The following RTTN variants were observed in gnomAD, a reference collection of about 807,000 sequenced individuals.
The protein encoded by RTTN is rotatin.
Under a neutral mutation model 269.2 loss-of-function variants are expected in RTTN, and 182 were observed. The ratio of observed to expected loss-of-function variants is 0.68; its 90% confidence interval spans 0.60 to 0.76. The LOEUF (loss-of-function observed/expected upper bound fraction) is 0.76, where lower values mean the gene tolerates loss of function less well. RTTN is among the 30% of genes least tolerant of loss of function. The pLI, the probability that RTTN is intolerant of heterozygous loss-of-function variation, is 0.00. For missense variants in RTTN, 2,545 were observed against 2,608.6 expected (o/e 0.98, Z 0.53); for synonymous variants, 1,006 against 963.5 (o/e 1.04, Z -0.82).
At chr18:70,082,644 A>G (rs2058600303) in intron 32 of RTTN, among the ~76,000 whole-genome samples, 1 of 152,164 alleles carries the variant, frequency 6.6e-6, no homozygotes, top group Admixed American at 6.5e-5. Flanking sequence ...GTTTCGTGTC[A>G]ACTGAATATT....
chr18:70,197,885 C>A, intron 5 of RTTN, 147 bp from the exon 6 acceptor site: 2 of 606,490 alleles, frequency 3.3e-6, no homozygotes. Flanking sequence ...GATCTTTTCC[C>A]TAACCAATAA....
chr18:70,102,201 T>G (rs1330329098), intron 28 of RTTN, among the ~76,000 whole-genome samples: 1 of 152,192 alleles, frequency 6.6e-6, no homozygotes, highest in Non-Finnish European at 1.5e-5. Context: ...ATTATTATTG[T>G]GTGGAGTCCA....
In RTTN at chr18:70,092,275, T is replaced by C. The variant is rs929590539; in HGVS notation, c.4033-55A>G. ...TTGAGGTAAGTTTCTAAAAATAAAATGCAGGAAGGTTAAAACAAGAATTTT... is the reference window on the plus strand; with the variant it reads ...TTGAGGTAAGTTTCTAAAAATAAAACGCAGGAAGGTTAAAACAAGAATTTT... On this transcript the variant is annotated intron_variant, in intron 29 of 48. Coordinates refer to ENST00000640769, the MANE Select transcript of RTTN (RefSeq NM_173630.4). The C allele has an allele frequency of 7.2e-6, 8 of 1,111,890 alleles. No homozygotes were observed. In the African/African-American group the frequency reaches 1.2e-4, roughly 17 times the overall value. The allele number at this position is 1,111,890 out of a possible 1,614,324, so 68.9% of individuals were successfully genotyped here.
intron 44 of RTTN, among the ~76,000 whole-genome samples, chr18:70,022,263 C>T (rs1274995980): frequency 6.6e-6 from 1 of 151,496 alleles, no homozygotes; most frequent in Non-Finnish European, 1.5e-5. Context: ...ATGAAGAAAG[C>T]AGAAGTATTC....
chr18:70,100,568 C>A (rs1292125821), intron 28 of RTTN, among the ~76,000 whole-genome samples: 5 of 151,896 alleles, frequency 3.3e-5, no homozygotes, highest in South Asian at 2.1e-4. Flanking sequence ...AATACCCTTT[C>A]TTTCTTTCTC....
chr18:70,177,762 AG>A (rs751769519), intron 10 of RTTN, among the ~76,000 whole-genome samples: 88 of 152,220 alleles, frequency 5.8e-4, no homozygotes, highest in Non-Finnish European at 1.1e-3. Flanking sequence ...AACAACTAAA[AG>A]GTATGAGGCC....
chr18:70,133,359 C>T (rs961363413), intron 23 of RTTN, among the ~76,000 whole-genome samples: 9 of 152,110 alleles, frequency 5.9e-5, no homozygotes, highest in South Asian at 2.1e-4. Context: ...ACAACAACTT[C>T]GTAATACTGT....
In RTTN at chr18:70,059,847, T is replaced by C. The variant is rs1329360687; in HGVS notation, c.4940+3A>G. 3 of 1,585,558 alleles carry C rather than the reference T, an allele frequency of 1.9e-6. No individual in the cohort carries two copies. The highest frequency in any genetic ancestry group is 1.8e-5 in the Admixed American group (1 of 56,420). On this transcript the variant is annotated splice_donor_region_variant and intron_variant, in intron 36 of 48. Coordinates refer to ENST00000640769, the MANE Select transcript of RTTN (RefSeq NM_173630.4). ...TGCCTCTCTAGGAGTATTTATCTCT[T>C]ACCTACAGAGAAGTTCTATGAGATG...
intron 14 of RTTN, among the ~76,000 whole-genome samples, chr18:70,162,666 C>T (rs549199713): frequency 6.6e-6 from 1 of 152,130 alleles, no homozygotes; most frequent in East Asian, 1.9e-4. Flanking sequence ...CACTGGGTCC[C>T]TCCCACGACA....
chr18:70,198,865 C>T (rs1039351306), intron 5 of RTTN, among the ~76,000 whole-genome samples: 4 of 152,130 alleles, frequency 2.6e-5, no homozygotes, highest in Non-Finnish European at 5.9e-5. Flanking sequence ...ACTCCTGTCA[C>T]CAAGGACTAC....
chr18:70,012,633 A>G (rs7236168), intron 46 of RTTN, among the ~76,000 whole-genome samples: 118,622 of 144,054 alleles, frequency 0.82, 52,381 homozygotes, highest in East Asian at 0.99. Flanking sequence ...CACTGGTATT[A>G]GTTACAGCAC....
chr18:70,057,870 A>G (rs1410782176), intron 36 of RTTN, 38 bp from the exon 37 acceptor site: 1 of 1,411,810 alleles, frequency 7.1e-7, no homozygotes, highest in African/African-American at 1.4e-5. Flanking sequence ...TCAGAAGATT[A>G]GTATACTTTT....
intron 46 of RTTN, among the ~76,000 whole-genome samples, chr18:70,016,145 T>C (rs894291458): frequency 2.0e-5 from 3 of 152,200 alleles, no homozygotes; most frequent in Non-Finnish European, 4.4e-5. Flanking sequence ...AACATCCTTC[T>C]ATATCATATC....
intron 40 of RTTN, among the ~76,000 whole-genome samples, chr18:70,040,942 G>C (rs1381150722): frequency 1.3e-5 from 2 of 152,212 alleles, no homozygotes; most frequent in African/African-American, 4.8e-5. Flanking sequence ...AATGGGGCCA[G>C]GTGTGGTGGC....
At chr18:70,109,425 T>C (rs1468657348) in intron 28 of RTTN, 73 bp downstream of exon 28, 21 of 1,032,792 alleles carry the variant, frequency 2.0e-5, no homozygotes, top group Non-Finnish European at 3.2e-5. Context: ...GAGTAACGTA[T>C]AATGCACTTG....
At chr18:70,131,564 G>C (rs908123577) in intron 23 of RTTN, 19 of 151,808 alleles carry the variant, frequency 1.3e-4, no homozygotes, top group African/African-American at 4.6e-4. Context: ...TACTTAGCTG[G>C]GCACAGTGAC....
intron 10 of RTTN, among the ~76,000 whole-genome samples, chr18:70,179,188 C>A (rs2061366226): frequency 6.6e-6 from 1 of 152,062 alleles, no homozygotes; most frequent in Non-Finnish European, 1.5e-5. Context: ...AAGTAAAACG[C>A]CCTCATACAA....
chr18:70,167,302 T>C (rs2061013710), intron 12 of RTTN, among the ~76,000 whole-genome samples: 2 of 152,226 alleles, frequency 1.3e-5, no homozygotes, highest in African/African-American at 4.8e-5. Context: ...GGTTCTTTGA[T>C]TACTTCTTTG....
chr18:70,085,769 C>A (rs2058684679), intron 32 of RTTN, among the ~76,000 whole-genome samples: 1 of 151,972 alleles, frequency 6.6e-6, no homozygotes, highest in Non-Finnish European at 1.5e-5. Context: ...TGGGAGCTAA[C>A]CAATGAATAC....
Sources: allele counts gnomAD v4.1 joint callset (sites outside exome capture counted in the v4.1 genomes callset), GRCh38; gene constraint gnomAD v4.1.1; transcripts MANE v1.5; gene names NCBI Gene and HGNC (gene_info 2026-07-23, HGNC 2026-07-21).